The following LRRC72 variants were observed in gnomAD, a reference collection of about 807,000 sequenced individuals.
The protein encoded by LRRC72 is leucine-rich repeat-containing protein 72.
Under a neutral mutation model 35.8 loss-of-function variants are expected in LRRC72, and 41 were observed. The ratio of observed to expected loss-of-function variants is 1.15; its 90% CI spans 0.89 to 1.49. The LOEUF is 1.49. LRRC72 is among the 40% of genes most tolerant of loss of function. LRRC72 has a pLI of 0.00. For synonymous variants in LRRC72, 118 were observed against 119.2 expected, an observed-to-expected ratio of 0.99 and a Z score of 0.07; for missense variants, 389 against 330.7, an observed-to-expected ratio of 1.18 and a Z score of -1.37.
At chr7:16,531,942 G>A (rs1014696547) in intron 1 of LRRC72, among the ~76,000 whole-genome samples, 2 of 152,158 alleles carry the variant, frequency 1.3e-5, no homozygotes, top group Non-Finnish European at 2.9e-5. Context: ...CCAAGCAAGG[G>A]AAAATGTATT....
chr7:16,574,723 A>G (rs1451705140), intron 7 of LRRC72, among the ~76,000 whole-genome samples: 1 of 152,018 alleles, frequency 6.6e-6, no homozygotes, highest in East Asian at 1.9e-4. Context: ...GGTGCAGCAA[A>G]CCATCATGGC....
At chr7:16,551,331 C>CT (rs1782544461) in intron 3 of LRRC72, among the ~76,000 whole-genome samples, 1 of 152,018 alleles carries the variant, frequency 6.6e-6, no homozygotes, top group South Asian at 2.1e-4. Context: ...ATGTTTAGTC[C>CT]CAGTCCTCAT....
chr7:16,527,681 T>C (rs1359771623), intron 1 of LRRC72, among the ~76,000 whole-genome samples: 2 of 152,154 alleles, frequency 1.3e-5, no homozygotes, highest in Non-Finnish European at 2.9e-5. Context: ...TGGAGTTCTC[T>C]GACTCATCTG....
chr7:16,532,602 T>C, intron 2 of LRRC72, 34 bp downstream of exon 2: 3 of 1,371,232 alleles, frequency 2.2e-6, no homozygotes, highest in African/African-American at 2.9e-5. Context: ...TGAAAGAGTA[T>C]CATGTTATCA....
At chr7:16,576,350 T>C (rs954789301) in intron 7 of LRRC72, among the ~76,000 whole-genome samples, 2 of 152,220 alleles carry the variant, frequency 1.3e-5, no homozygotes, top group African/African-American at 4.8e-5. Flanking sequence ...AGAGTAATTC[T>C]AAGAGAAATA....
intron 5 of LRRC72, 113 bp from the exon 6 acceptor site, chr7:16,566,200 G>T: frequency 1.6e-6 from 1 of 621,740 alleles, no homozygotes; most frequent in Non-Finnish European, 2.6e-6. Flanking sequence ...ATGGAGAAGA[G>T]CTTTACAAGT....
chr7:16,547,832 C>G (rs1782475322), intron 3 of LRRC72, among the ~76,000 whole-genome samples: 1 of 152,240 alleles, frequency 6.6e-6, no homozygotes, highest in African/African-American at 2.4e-5. Flanking sequence ...TGAACAACCT[C>G]AGCTCCATGA....
At chr7:16,571,859 C>T (rs1024431949) in intron 7 of LRRC72, among the ~76,000 whole-genome samples, 1 of 152,112 alleles carries the variant, frequency 6.6e-6, no homozygotes, top group African/African-American at 2.4e-5. Flanking sequence ...GTTCAGTCCC[C>T]TAAAAAGGAG....
At chr7:16,555,775 A>T (rs1583644474) in intron 3 of LRRC72, among the ~76,000 whole-genome samples, 1 of 96,192 alleles carries the variant, frequency 1.0e-5, no homozygotes, top group South Asian at 3.9e-4. Context: ...ACTCCATCTC[A>T]AAAAAAAAAA....
chr7:16,526,927 G>A lies in LRRC72; in HGVS notation c.-26G>A. ...GGCGGGCGAGGCCGGATTAATCACC[G>A]CTGCTTCGGCCGCCCATGTGTCCTG... is the stretch of plus-strand genomic sequence containing the variant. On this transcript the variant is annotated 5_prime_UTR_variant, in exon 1 of 9. Transcript: ENST00000401542. 2 of 1,531,240 alleles carry A rather than the reference G, an allele frequency of 1.3e-6. No individual in the cohort carries two copies. The highest frequency in any genetic ancestry group is 8.8e-7 in the Non-Finnish European group (1 of 1,140,652). 94.9% of individuals were successfully genotyped at this position (1,531,240 alleles called of 1,614,324 possible). A position where few individuals can be genotyped will look rare whatever the true frequency, so the allele number is the denominator to read the frequency against.
intron 7 of LRRC72, among the ~76,000 whole-genome samples, chr7:16,573,027 A>T (rs967531452): frequency 5.3e-5 from 8 of 152,222 alleles, no homozygotes; most frequent in African/African-American, 1.7e-4. Context: ...ACAGAGAGCC[A>T]AATCATGAGT....
chr7:16,557,492 C>G, intron 4 of LRRC72, 51 bp downstream of exon 4: 1 of 624,422 alleles, frequency 1.6e-6, no homozygotes, highest in Middle Eastern at 2.8e-4. Flanking sequence ...TAAGTAATAA[C>G]TTTCAACTAT....
intron 7 of LRRC72, among the ~76,000 whole-genome samples, chr7:16,569,403 G>A (rs112165769): frequency 0.038 from 5,793 of 151,972 alleles, 384 homozygotes; most frequent in African/African-American, 0.13. Flanking sequence ...CAACAAGAGC[G>A]AAACTCCATC....
Position 16,567,381 on chromosome 7 carries a change from C to A in LRRC72, c.518-10C>A. 6.9e-7 allele frequency: 1 copy of A among 1,443,116 alleles called. No individual in the cohort carries two copies. Among genetic ancestry groups the A allele is most frequent in the Non-Finnish European group, 9.2e-7 (1 of 1,088,700 alleles). The allele number at this position is 1,443,116 out of a possible 1,614,324, so 89.4% of individuals were successfully genotyped here. On this transcript the variant is annotated splice_polypyrimidine_tract_variant and intron_variant, in intron 6 of 8. Coordinates refer to ENST00000401542, the MANE Select transcript of LRRC72 (RefSeq NM_001195280.2). ...TGTTATGCAATAACATTACTTTTTGCATTTATCAGAAGTTACAGAAAAAGA... is the reference window on the plus strand; with the variant it reads ...TGTTATGCAATAACATTACTTTTTGAATTTATCAGAAGTTACAGAAAAAGA...
chr7:16,549,886 A>G (rs1782518095), intron 3 of LRRC72, among the ~76,000 whole-genome samples: 2 of 152,098 alleles, frequency 1.3e-5, no homozygotes, highest in Non-Finnish European at 2.9e-5. Context: ...ATCTGCATTA[A>G]TGATTCCTGT....
In LRRC72 at chr7:16,532,584, A is replaced by C; in HGVS notation, c.164+16A>C. ...TTTCTAAAAAGTAAGTGTACTTAAC[A>C]TAAAAAATGAAAGAGTATCATGTTA... On this transcript the variant is annotated intron_variant, in intron 2 of 8. Transcript: ENST00000401542. 1.3e-6 allele frequency: 2 copies of C among 1,504,468 alleles called. No homozygotes were observed. Among genetic ancestry groups the C allele is most frequent in the Middle Eastern group, 3.4e-4 (2 of 5,902 alleles). The allele number at this position is 1,504,468 out of a possible 1,614,324, so 93.2% of individuals were successfully genotyped here.
chr7:16,570,456 A>C (rs1416773745), intron 7 of LRRC72, among the ~76,000 whole-genome samples: 7 of 152,234 alleles, frequency 4.6e-5, no homozygotes, highest in African/African-American at 1.4e-4. Flanking sequence ...TTTAAAAATA[A>C]GGACATTTTC....
At position 16,546,182 on chromosome 7, in the gene LRRC72, A is replaced by G. The variant is rs746348271; in HGVS notation, c.234+8486A>G. Among the ~76,000 whole-genome samples the G allele has an allele frequency of 7.6e-4, 116 of 152,186 alleles. 2 individuals carry two copies. Among genetic ancestry groups the G allele is most frequent in the Non-Finnish European group, 1.9e-4 (13 of 68,042 alleles). ...TTCATGTTCTATGTAAATTTAGTAAATATTGGGATTTCAGTACTAAACATA... is the reference window on the plus strand; with the variant it reads ...TTCATGTTCTATGTAAATTTAGTAAGTATTGGGATTTCAGTACTAAACATA... On this transcript the variant is annotated intron_variant, in intron 3 of 8. Coordinates refer to ENST00000401542, the MANE Select transcript of LRRC72 (RefSeq NM_001195280.2).
At chr7:16,535,264 T>G (rs189209048) in intron 2 of LRRC72, among the ~76,000 whole-genome samples, 6 of 152,278 alleles carry the variant, frequency 3.9e-5, no homozygotes, top group Admixed American at 3.3e-4. Flanking sequence ...AAACTAATGG[T>G]ACATATCAAA....
Sources: allele counts gnomAD v4.1 joint callset (sites outside exome capture counted in the v4.1 genomes callset), GRCh38; gene constraint gnomAD v4.1.1; transcripts MANE v1.5; gene names NCBI Gene and HGNC (gene_info 2026-07-23, HGNC 2026-07-21).